The following LRRC2 variants were observed in gnomAD, a reference collection of about 807,000 sequenced individuals.
LRRC2 encodes the protein leucine-rich repeat-containing protein 2.
LRRC2 carries 27 observed loss-of-function variants against 40.2 expected under a neutral mutation model. That is an observed-to-expected ratio of 0.67 (90% confidence interval 0.49 to 0.93). The LOEUF (loss-of-function observed/expected upper bound fraction) is 0.93, where lower values mean the gene tolerates loss of function less well. Among genes scored for constraint, LRRC2 ranks in the 40% least tolerant of loss-of-function variants. The pLI is 0.00. For synonymous variants in LRRC2, 147 were observed against 158.9 expected (o/e 0.92, Z 0.56); for missense variants, 402 against 439.6 (o/e 0.91, Z 0.76).
At chr3:46,563,244 C>A (rs752211926) in intron 1 of LRRC2, among the ~76,000 whole-genome samples, 2 of 152,154 alleles carry the variant, frequency 1.3e-5, no homozygotes, top group Non-Finnish European at 2.9e-5. Context: ...CACTCAACCC[C>A]ATCTTCTACT....
At chr3:46,565,277 A>G (rs1028741177) in intron 1 of LRRC2, among the ~76,000 whole-genome samples, 2 of 152,116 alleles carry the variant, frequency 1.3e-5, no homozygotes, top group Admixed American at 6.5e-5. Context: ...CCCTGAGAAC[A>G]CAGCCTAACC....
In LRRC2 at chr3:46,554,591, G is replaced by A. The variant is rs767882279; in HGVS notation, c.-19-2981C>T. ...TGGGAGGCGGAGGTTGCAGTGAGCCGAGATCGTACCAGCGCACTCCAGTCT... is the reference window on the plus strand; with the variant it reads ...TGGGAGGCGGAGGTTGCAGTGAGCCAAGATCGTACCAGCGCACTCCAGTCT... On this transcript the variant is annotated intron_variant, in intron 1 of 8. Coordinates refer to ENST00000395905, the MANE Select transcript of LRRC2 (RefSeq NM_024512.5). Among the ~76,000 whole-genome samples the A allele has an allele frequency of 1.4e-3, 217 of 149,954 alleles. 1 individual carries two copies. Among genetic ancestry groups the A allele is most frequent in the Non-Finnish European group, 3.8e-4 (26 of 67,770 alleles).
chr3:46,543,709 G>C (rs186199517), intron 3 of LRRC2, among the ~76,000 whole-genome samples: 1 of 151,912 alleles, frequency 6.6e-6, no homozygotes, highest in East Asian at 1.9e-4. Context: ...ATGAGGGCTC[G>C]TGACAGGTTC....
chr3:46,544,740 C>T (rs907136551), intron 3 of LRRC2, among the ~76,000 whole-genome samples: 1 of 152,152 alleles, frequency 6.6e-6, no homozygotes, highest in Non-Finnish European at 1.5e-5. Context: ...TGAAAGGCGC[C>T]GTCACTTAAA....
intron 1 of LRRC2, among the ~76,000 whole-genome samples, chr3:46,564,239 G>C (rs75468546): frequency 0.048 from 7,236 of 150,696 alleles, 605 homozygotes; most frequent in African/African-American, 0.17. Context: ...AGGGCTGACA[G>C]GGCAGGTTTG....
At chr3:46,541,327 C>T (rs1357734847) in intron 3 of LRRC2, among the ~76,000 whole-genome samples, 2 of 134,414 alleles carry the variant, frequency 1.5e-5, no homozygotes, top group African/African-American at 2.8e-5. Flanking sequence ...AGCGAGACTC[C>T]GTCTCAAAAA....
chr3:46,565,709 C>G (rs1376803566), intron 1 of LRRC2, among the ~76,000 whole-genome samples: 1 of 152,186 alleles, frequency 6.6e-6, no homozygotes, highest in African/African-American at 2.4e-5. Flanking sequence ...GGCCTGTCCC[C>G]ACCCCAAGCC....
chr3:46,545,838 G>A (rs1053382901), intron 2 of LRRC2, among the ~76,000 whole-genome samples: 3 of 152,214 alleles, frequency 2.0e-5, no homozygotes, highest in African/African-American at 7.2e-5. Flanking sequence ...CATGATGACA[G>A]CTAGTGTGTC....
In LRRC2 at chr3:46,551,378, A is replaced by G. The variant is rs1575358979; in HGVS notation, c.125+89T>C. On this transcript the variant is annotated intron_variant, in intron 2 of 8. Transcript: ENST00000395905. The stretch of plus-strand genomic sequence containing the variant: ...TACCAACAGTGAGAAATCCCAGAAG[A>G]AAAGCATCCTCCTCCACAACGCAAC... 2.0e-6 allele frequency: 3 copies of G among 1,487,568 alleles called. No homozygotes were observed. The East Asian group carries it at 6.9e-5, about 34-fold the overall frequency. The allele number at this position is 1,487,568 out of a possible 1,614,324, so 92.1% of individuals were successfully genotyped here. A position where few individuals can be genotyped will look rare whatever the true frequency, so the allele number is the denominator to read the frequency against.
At chr3:46,530,411 C>T (rs1401652771) in intron 5 of LRRC2, among the ~76,000 whole-genome samples, 5 of 152,142 alleles carry the variant, frequency 3.3e-5, no homozygotes, top group East Asian at 3.8e-4. Context: ...AAAACCCCGT[C>T]TCTACTAAAA....
intron 1 of LRRC2, among the ~76,000 whole-genome samples, chr3:46,564,639 G>T (rs1054370445): frequency 2.0e-5 from 3 of 152,096 alleles, no homozygotes; most frequent in Non-Finnish European, 4.4e-5. Context: ...GGCTGGGAGG[G>T]GGACAGGAGC....
At chr3:46,535,914 G>C (rs1463349079) in intron 4 of LRRC2, among the ~76,000 whole-genome samples, 5 of 152,152 alleles carry the variant, frequency 3.3e-5, no homozygotes, top group African/African-American at 1.2e-4. Flanking sequence ...CGGTGAACTA[G>C]GTACTATTGT....
chr3:46,559,106 G>A (rs1006912224), intron 1 of LRRC2: 2 of 152,176 alleles, frequency 1.3e-5, no homozygotes, highest in East Asian at 3.8e-4. Context: ...TAAAAGAAGT[G>A]CATTTAATTT....
At chr3:46,534,741 G>A (rs1040780070) in intron 4 of LRRC2, among the ~76,000 whole-genome samples, 2 of 151,958 alleles carry the variant, frequency 1.3e-5, no homozygotes, top group Non-Finnish European at 2.9e-5. Context: ...CTAATAATGA[G>A]AAAAAGAATA....
At chr3:46,527,357 C>T (rs1320662466) in intron 7 of LRRC2, 69 bp downstream of exon 7, 3 of 1,539,928 alleles carry the variant, frequency 1.9e-6, no homozygotes, top group Non-Finnish European at 2.7e-6. Flanking sequence ...AGACAGCTGC[C>T]CAGGCTCTGG....
chr3:46,559,631 C>CTT (rs1467855180), intron 1 of LRRC2: 2 of 152,214 alleles, frequency 1.3e-5, no homozygotes, highest in Non-Finnish European at 2.9e-5. Context: ...TAGTTCCCAT[C>CTT]TTAGAGGAAT....
chr3:46,528,891 T>C (rs9848284), intron 6 of LRRC2, among the ~76,000 whole-genome samples: 78,257 of 151,960 alleles, frequency 0.51, 21,022 homozygotes, highest in South Asian at 0.65. Context: ...GCAGGAGGAT[T>C]GCTTGAGTCC....
chr3:46,539,038 G>T lies in LRRC2; in HGVS notation c.490+7C>A. On this transcript the variant is annotated splice_region_variant and intron_variant, in intron 4 of 8. Transcript: ENST00000395905. Reference sequence around the variant, plus strand: ...GAGGCCCGAAGACCCCTGCTAAGTTGACATACCGATTTCTGCTGGAAGATG... The same window carrying T: ...GAGGCCCGAAGACCCCTGCTAAGTTTACATACCGATTTCTGCTGGAAGATG... The T allele has an allele frequency of 6.2e-7, 1 of 1,613,240 alleles. No individual in the cohort carries two copies. The highest frequency in any genetic ancestry group is 1.1e-5 in the South Asian group (1 of 90,956).
Position 46,551,597 on chromosome 3 carries a change from G to A in LRRC2, c.-6C>T, listed in dbSNP as rs552828950. On this transcript the variant is annotated 5_prime_UTR_variant, in exon 2 of 9. Transcript: ENST00000395905. ...ACAACCACTTTATGTCCCATTTTGG[G>A]AGCATGAAATTACCTATTTAAAAAA... 453 of 1,606,500 alleles carry A rather than the reference G, an allele frequency of 2.8e-4. 12 individuals carry two copies. The South Asian group carries it at 5.0e-3, about 18-fold the overall frequency.
Sources: allele counts gnomAD v4.1 joint callset (sites outside exome capture counted in the v4.1 genomes callset), GRCh38; gene constraint gnomAD v4.1.1; transcripts MANE v1.5; gene names NCBI Gene and HGNC (gene_info 2026-07-23, HGNC 2026-07-21).